The following ZNF432 variants were observed in gnomAD, a reference collection of about 807,000 sequenced individuals.
The protein encoded by ZNF432 is zinc finger protein 432.
A neutral mutation model predicts 13.9 loss-of-function variants in ZNF432; 10 were observed. That is an observed-to-expected ratio of 0.72 (90% CI 0.44 to 1.22). The LOEUF (loss-of-function observed/expected upper bound fraction) is 1.22. Among genes scored for constraint, ZNF432 ranks in the 50% most tolerant of loss-of-function variants. The pLI, the probability that ZNF432 is intolerant of heterozygous loss-of-function variation, is 0.00. For synonymous variants in ZNF432, 247 were observed against 256.2 expected (o/e 0.96, Z 0.34); for missense variants, 793 against 796.2 (o/e 1.00, Z 0.05).
intron 3 of ZNF432, 45 bp downstream of exon 3, chr19:52,041,435 C>T: frequency 6.5e-7 from 1 of 1,533,538 alleles, no homozygotes; most frequent in Non-Finnish European, 8.8e-7. Context: ...AAGCAAAGGC[C>T]ACAGACTGGG....
chr19:52,034,516 A>G lies in ZNF432; in HGVS notation c.1163T>C (p.Met388Thr), dbSNP rs1389013359. ...CGKGFTMKSR[M>T]IEHQRTHTGE... ...TGTATGAGTTCGTTGATGTTCGATCATACGGCTCTTCATGGTGAAGCCTTT... is the reference window on the plus strand; with the variant it reads ...TGTATGAGTTCGTTGATGTTCGATCGTACGGCTCTTCATGGTGAAGCCTTT... Residue 388 changes from methionine to threonine, a missense_variant, in exon 5 of 5, where the codon ATG becomes ACG. By Grantham distance (81) the Met-to-Thr change is moderately conservative. Coordinates refer to ENST00000221315, the MANE Select transcript of ZNF432 (RefSeq NM_014650.4). 1 of 1,613,916 alleles carries G rather than the reference A, an allele frequency of 6.2e-7. No individual in the cohort carries two copies.
intron 1 of ZNF432, among the ~76,000 whole-genome samples, chr19:52,048,288 C>G (rs2087212763): frequency 6.6e-6 from 1 of 152,114 alleles, no homozygotes; most frequent in Non-Finnish European, 1.5e-5. Context: ...TAGACACACA[C>G]GTACACTGGA....
rs1410656128 is a variant in ZNF432, at chr19:52,034,479, G to A, written c.1200C>T (p.Pro400=). ...CTTTTCCACATTCACTGCATATGTA[G>A]GGTTTCTCTCCTGTATGAGTTCGTT... ...EHQRTHTGEK[P]YICSECGKGF... Residue 400 remains proline (P), a synonymous_variant, in exon 5 of 5, where the codon CCC becomes CCT. Transcript: ENST00000221315. 3.7e-6 allele frequency: 6 copies of A among 1,613,790 alleles called. No individual in the cohort carries two copies. Among genetic ancestry groups the A allele is most frequent in the East Asian group, 2.2e-5 (1 of 44,866 alleles).
intron 3 of ZNF432, among the ~76,000 whole-genome samples, chr19:52,041,249 T>C (rs1161863467): frequency 1.3e-5 from 2 of 152,298 alleles, no homozygotes; most frequent in East Asian, 1.9e-4. Flanking sequence ...GCAAATACAA[T>C]GCCATTTTAT....
At position 52,042,744 on chromosome 19, in the gene ZNF432, T is replaced by G. The variant is rs533018226; in HGVS notation, c.16-1138A>C. 2.0e-5 allele frequency among the ~76,000 whole-genome samples: 3 copies of G among 152,082 alleles called. No homozygotes were observed. In the East Asian group the frequency reaches 5.8e-4, roughly 29 times the overall value. On this transcript the variant is annotated intron_variant, in intron 2 of 4. Coordinates refer to ENST00000221315, the MANE Select transcript of ZNF432 (RefSeq NM_014650.4). The stretch of plus-strand genomic sequence containing the variant: ...TTTTCAGAACTGATTAAATATCCTA[T>G]AACTCAAATTTAATAAATCAACAAA...
At chr19:52,047,083 G>A (rs1008419164) in intron 1 of ZNF432, 23 bp from the exon 2 acceptor site, 25 of 477,114 alleles carry the variant, frequency 5.2e-5, no homozygotes, top group Admixed American at 5.1e-4. Flanking sequence ...ACAACTTTCA[G>A]GGGTACATTC....
At chr19:52,039,629 C>T (rs754108796) in intron 4 of ZNF432, among the ~76,000 whole-genome samples, 2 of 151,974 alleles carry the variant, frequency 1.3e-5, no homozygotes, top group East Asian at 1.9e-4. Flanking sequence ...GTCAGGAGTA[C>T]GAGACCAAAC....
At chr19:52,040,815 T>A (rs1408881675) in intron 3 of ZNF432, among the ~76,000 whole-genome samples, 1 of 148,808 alleles carries the variant, frequency 6.7e-6, no homozygotes, top group African/African-American at 2.5e-5. Flanking sequence ...AATACAATAA[T>A]AAAAAAAAAT....
At chr19:52,037,214 T>C (rs1375685668) in intron 4 of ZNF432, among the ~76,000 whole-genome samples, 3 of 152,238 alleles carry the variant, frequency 2.0e-5, no homozygotes, top group Non-Finnish European at 2.9e-5. Context: ...AGATAGACTC[T>C]TGTGTGGTAA....
In ZNF432 at chr19:52,043,461, G is replaced by C. The variant is rs538500384; in HGVS notation, c.16-1855C>G. ...CAGGGACCTCTGCCTAGGAAAGCCA[G>C]GTATTGTCCAAGGTTTCTCCCCATG... On this transcript the variant is annotated intron_variant, in intron 2 of 4. Coordinates refer to ENST00000221315, the MANE Select transcript of ZNF432 (RefSeq NM_014650.4). Among the ~76,000 whole-genome samples, 1,217 of 152,198 alleles carry C rather than the reference G, an allele frequency of 8.0e-3. 21 individuals carry two copies. The highest frequency in any genetic ancestry group is 0.028 in the African/African-American group (1,162 of 41,522).
intron 4 of ZNF432, among the ~76,000 whole-genome samples, chr19:52,036,650 T>C (rs1182413731): frequency 6.6e-6 from 1 of 152,002 alleles, no homozygotes. Context: ...AGTACATACA[T>C]ATTATTTGAG....
At chr19:52,046,731 C>T in intron 2 of ZNF432, 123 bp downstream of exon 2, 2 of 967,588 alleles carry the variant, frequency 2.1e-6, no homozygotes, top group Non-Finnish European at 3.1e-6. Context: ...CCTGATCTTA[C>T]TTTGCCATGA....
chr19:52,037,297 T>C (rs1600050308), intron 4 of ZNF432, among the ~76,000 whole-genome samples: 1 of 152,178 alleles, frequency 6.6e-6, no homozygotes, highest in Non-Finnish European at 1.5e-5. Context: ...TCACGTTTAA[T>C]GAACAACTCC....
chr19:52,043,677 G>A (rs1600054633), intron 2 of ZNF432, among the ~76,000 whole-genome samples: 1 of 152,342 alleles, frequency 6.6e-6, no homozygotes, highest in East Asian at 1.9e-4. Context: ...AAACCCGATT[G>A]TATGCTCCAT....
chr19:52,040,005 T>G (rs1225574148), intron 4 of ZNF432, among the ~76,000 whole-genome samples: 1 of 152,086 alleles, frequency 6.6e-6, no homozygotes, highest in Non-Finnish European at 1.5e-5. Flanking sequence ...AAATAAACTT[T>G]AAATTGGAAA....
rs2123144497 is a variant in ZNF432, at chr19:52,034,731, G to T, written c.948C>A (p.Ser316=). Reference sequence around the variant, plus strand: ...CTTTTCCACATTCACTACATATATAGGATTTCTCTCCAGTATGATTTCGCT... The same window carrying T: ...CTTTTCCACATTCACTACATATATATGATTTCTCTCCAGTATGATTTCGCT... The part of the protein sequence containing the change: ...VHQRNHTGEK[S]YICSECGKGF... The change falls in exon 5 of 5, where the codon TCC becomes TCA. Residue 316 remains serine (S), a synonymous_variant. Coordinates refer to ENST00000221315, the MANE Select transcript of ZNF432 (RefSeq NM_014650.4). 6 of 1,612,038 alleles carry T rather than the reference G, an allele frequency of 3.7e-6. No individual in the cohort carries two copies. The highest frequency in any genetic ancestry group is 4.2e-6 in the Non-Finnish European group (5 of 1,179,488).
chr19:52,046,204 C>T (rs2087181333), intron 2 of ZNF432, among the ~76,000 whole-genome samples: 1 of 151,984 alleles, frequency 6.6e-6, no homozygotes, highest in African/African-American at 2.4e-5. Flanking sequence ...CTCCCTAATG[C>T]CAAATCTGCA....
At chr19:52,037,163 TAA>T (rs1237717096) in intron 4 of ZNF432, among the ~76,000 whole-genome samples, 2 of 152,216 alleles carry the variant, frequency 1.3e-5, no homozygotes, top group Non-Finnish European at 2.9e-5. Flanking sequence ...GCCTGGCAAG[TAA>T]GAATTGGAAA....
At chr19:52,047,817 G>A (rs2087201325) in intron 1 of ZNF432, among the ~76,000 whole-genome samples, 1 of 151,988 alleles carries the variant, frequency 6.6e-6, no homozygotes. Flanking sequence ...TGGGAAAATA[G>A]CCGCCTTTAT....
Sources: allele counts gnomAD v4.1 joint callset (sites outside exome capture counted in the v4.1 genomes callset), GRCh38; gene constraint gnomAD v4.1.1; transcripts MANE v1.5; gene names NCBI Gene and HGNC (gene_info 2026-07-23, HGNC 2026-07-21).